Variants in CCBE1 observed in about 807,000 individuals in gnomAD.
The protein encoded by CCBE1 is collagen and calcium binding EGF domains 1.
In CCBE1, 37 loss-of-function variants were observed where a neutral mutation model predicts 50.0. The ratio of observed to expected loss-of-function variants is 0.74; its 90% CI spans 0.57 to 0.97. The LOEUF (loss-of-function observed/expected upper bound fraction) is 0.97. Among genes scored for constraint, CCBE1 ranks in the 50% least tolerant of loss-of-function variants. The pLI, the probability that CCBE1 is intolerant of heterozygous loss-of-function variation, is 0.00. For missense variants in CCBE1, 538 were observed against 523.8 expected, an observed-to-expected ratio of 1.03 and a Z score of -0.26; for synonymous variants, 234 against 203.7, an observed-to-expected ratio of 1.15 and a Z score of -1.27.
chr18:59,535,369 C>T (rs1283683817), intron 2 of CCBE1, among the ~76,000 whole-genome samples: 1 of 152,164 alleles, frequency 6.6e-6, no homozygotes, highest in African/African-American at 2.4e-5. Flanking sequence ...CACACCAAGA[C>T]TGGCAGAAAT....
At chr18:59,628,152 G>C (rs2053811145) in intron 2 of CCBE1, among the ~76,000 whole-genome samples, 1 of 152,186 alleles carries the variant, frequency 6.6e-6, no homozygotes, top group Non-Finnish European at 1.5e-5. Context: ...GGCAAGCTGA[G>C]ACTGCAGTGA....
At chr18:59,489,028 A>G (rs186756982) in intron 2 of CCBE1, among the ~76,000 whole-genome samples, 22 of 152,362 alleles carry the variant, frequency 1.4e-4, no homozygotes, top group Non-Finnish European at 1.3e-4. Flanking sequence ...CAGGGTCTCA[A>G]CCATATGTGT....
chr18:59,478,488 G>A (rs1048297394), intron 3 of CCBE1, among the ~76,000 whole-genome samples: 1 of 152,186 alleles, frequency 6.6e-6, no homozygotes, highest in African/African-American at 2.4e-5. Context: ...AAAAGCAACA[G>A]AGCAGATAAT....
chr18:59,509,397 T>C (rs892910588), intron 2 of CCBE1, among the ~76,000 whole-genome samples: 7 of 152,210 alleles, frequency 4.6e-5, no homozygotes, highest in African/African-American at 1.7e-4. Context: ...ATTTTAATGA[T>C]ACTATCTATA....
At chr18:59,456,243 C>T (rs932291089) in intron 5 of CCBE1, among the ~76,000 whole-genome samples, 4 of 152,206 alleles carry the variant, frequency 2.6e-5, no homozygotes, top group East Asian at 3.8e-4. Context: ...TGGTATCTCA[C>T]GTAATGGATG....
intron 2 of CCBE1, among the ~76,000 whole-genome samples, chr18:59,541,960 T>C (rs1915482594): frequency 1.3e-5 from 2 of 152,168 alleles, no homozygotes; most frequent in African/African-American, 4.8e-5. Context: ...GTGGATAGCT[T>C]GAGCCCAGGA....
rs1241276392 is a variant in CCBE1 at position 59,438,162 on chromosome 18, C to G, written c.952-16G>C. ...CTCTCTCCCCCTAAAAACAGAAAGG[C>G]CAGGGTTAGCTTTCTAGAGCACATG... On this transcript the variant is annotated splice_polypyrimidine_tract_variant and intron_variant, in intron 9 of 10. Coordinates refer to ENST00000439986, the MANE Select transcript of CCBE1 (RefSeq NM_133459.4). 6.2e-7 allele frequency: 1 copy of G among 1,613,796 alleles called. No homozygotes were observed. Among genetic ancestry groups the G allele is most frequent in the South Asian group, 1.1e-5 (1 of 91,046 alleles).
At chr18:59,656,345 A>G (rs1194882548) in intron 2 of CCBE1, among the ~76,000 whole-genome samples, 2 of 152,236 alleles carry the variant, frequency 1.3e-5, no homozygotes, top group Non-Finnish European at 2.9e-5. Flanking sequence ...ATCACCCTAT[A>G]AAACATTCAT....
chr18:59,682,298 G>A (rs2054600495), intron 2 of CCBE1, among the ~76,000 whole-genome samples: 1 of 152,162 alleles, frequency 6.6e-6, no homozygotes, highest in South Asian at 2.1e-4. Context: ...GGAGGCGGAG[G>A]AGGTTGCAGT....
intron 9 of CCBE1, 30 bp from the exon 10 acceptor site, chr18:59,438,176 C>G (rs1910247676): frequency 6.2e-7 from 1 of 1,610,846 alleles, no homozygotes; most frequent in African/African-American, 1.3e-5. Context: ...GGTTAGCTTT[C>G]TAGAGCACAT....
intron 2 of CCBE1, among the ~76,000 whole-genome samples, chr18:59,614,540 G>A (rs1395845542): frequency 6.6e-6 from 1 of 152,180 alleles, no homozygotes; most frequent in East Asian, 1.9e-4. Context: ...CACTGACCAG[G>A]ATCAGGAGCA....
chr18:59,656,049 T>C (rs1358838134), intron 2 of CCBE1, among the ~76,000 whole-genome samples: 1 of 152,078 alleles, frequency 6.6e-6, no homozygotes, highest in Non-Finnish European at 1.5e-5. Context: ...CATGAAGGGG[T>C]GGTGGGAGGA....
At chr18:59,655,552 T>C (rs1394617373) in intron 2 of CCBE1, among the ~76,000 whole-genome samples, 1 of 152,214 alleles carries the variant, frequency 6.6e-6, no homozygotes, top group Non-Finnish European at 1.5e-5. Flanking sequence ...CAATGAAGTC[T>C]CTGTTTCCCC....
intron 2 of CCBE1, among the ~76,000 whole-genome samples, chr18:59,485,583 G>GTT (rs1384309085): frequency 2.9e-4 from 25 of 86,038 alleles, no homozygotes; most frequent in Admixed American, 8.6e-4. Flanking sequence ...AGATATATCA[G>GTT]ATATTTATTT....
intron 5 of CCBE1, among the ~76,000 whole-genome samples, chr18:59,458,395 T>A (rs1911305917): frequency 1.3e-5 from 2 of 152,248 alleles, no homozygotes; most frequent in Non-Finnish European, 2.9e-5. Flanking sequence ...GGGGCCGCCA[T>A]GAACAAAAGT....
intron 2 of CCBE1, among the ~76,000 whole-genome samples, chr18:59,564,984 C>T (rs77919419): frequency 0.079 from 12,016 of 152,248 alleles, 543 homozygotes; most frequent in East Asian, 0.15. Context: ...GAAAATCCAG[C>T]GTGATCACTG....
chr18:59,644,620 T>C (rs890221314), intron 2 of CCBE1, among the ~76,000 whole-genome samples: 3 of 152,266 alleles, frequency 2.0e-5, no homozygotes, highest in Admixed American at 6.5e-5. Context: ...TATTTGCCAT[T>C]TTAAACAATT....
chr18:59,513,183 C>T (rs1244932578), intron 2 of CCBE1, among the ~76,000 whole-genome samples: 1 of 152,162 alleles, frequency 6.6e-6, no homozygotes, highest in African/African-American at 2.4e-5. Flanking sequence ...TGGCAGGCAC[C>T]TGTAGTCCCA....
At chr18:59,634,376 T>C (rs2053890439) in intron 2 of CCBE1, among the ~76,000 whole-genome samples, 1 of 152,208 alleles carries the variant, frequency 6.6e-6, no homozygotes, top group Non-Finnish European at 1.5e-5. Context: ...TTAGACTAAA[T>C]GCATGACCTG....
Sources: gnomAD v4.1 joint callset for allele counts (sites outside exome capture counted in the v4.1 genomes callset) on GRCh38, gnomAD v4.1.1 for gene constraint, MANE v1.5 for transcripts, NCBI Gene and HGNC (gene_info 2026-07-23, HGNC 2026-07-21) for gene names.